The following CPLANE1 variants were observed in gnomAD, a reference collection of about 807,000 sequenced individuals.
CPLANE1 encodes ciliogenesis and planar polarity effector complex subunit 1.
In CPLANE1, 263 loss-of-function variants were observed where a neutral mutation model predicts 362.5. That is an observed-to-expected ratio of 0.73 (90% CI 0.66 to 0.80). The LOEUF (loss-of-function observed/expected upper bound fraction) is 0.80. CPLANE1 is among the 30% of genes least tolerant of loss of function. The pLI, the probability that CPLANE1 is intolerant of heterozygous loss-of-function variation, is 0.00. For synonymous variants in CPLANE1, 1,212 were observed against 1,302.6 expected, an observed-to-expected ratio of 0.93 and a Z score of 1.50; for missense variants, 3,461 against 3,793.4, an observed-to-expected ratio of 0.91 and a Z score of 2.30.
intron 29 of CPLANE1, among the ~76,000 whole-genome samples, chr5:37,178,872 C>T (rs1781944986): frequency 2.6e-5 from 4 of 152,110 alleles, no homozygotes; most frequent in Admixed American, 6.5e-5. Context: ...GATCCTCTCA[C>T]CTCAGCCTTC....
At position 37,142,319 on chromosome 5, in the gene CPLANE1, T is replaced by A. The variant is rs563494619; in HGVS notation, c.8623A>T (p.Thr2875Ser). The change falls in exon 44 of 53, where the codon ACT becomes TCT. Residue 2875 changes from threonine (T) to serine (S), a missense_variant. Thr to Ser is a moderately conservative substitution (Grantham distance 58, BLOSUM62 1). This residue lies in a region of CPLANE1 where 3,380 missense variants were observed against 3,666.1 expected (regional missense o/e 0.92). Coordinates refer to ENST00000651892, the MANE Select transcript of CPLANE1 (RefSeq NM_001384732.1). ...SLSSSSDQNT[T>S]SPGMNSSDEL... Reference sequence around the variant, plus strand: ...AAGTAAAGAACAATACCAGGAGAAGTAGTATTCTGATCACTGGAACTGGAA... The same window carrying A: ...AAGTAAAGAACAATACCAGGAGAAGAAGTATTCTGATCACTGGAACTGGAA... 2 of 1,587,050 alleles carry A rather than the reference T, an allele frequency of 1.3e-6. No individual in the cohort carries two copies. The highest frequency in any genetic ancestry group is 3.7e-5 in the Admixed American group (2 of 53,592).
rs761266412 is a variant in CPLANE1 at position 37,120,230 on chromosome 5, G to A, written c.9296C>T (p.Ser3099Leu). The A allele has an allele frequency of 6.2e-7, 1 of 1,602,450 alleles. No individual in the cohort carries two copies. The highest frequency in any genetic ancestry group is 1.1e-5 in the South Asian group (1 of 87,848). Residue 3099 changes from serine (S) to leucine (L), a missense_variant, in exon 50 of 53, where the codon TCA becomes TTA. Around this residue, in one of 2 missense-constraint regions of CPLANE1, gnomAD observed 3,380 missense variants for 3,666.1 expected, o/e 0.92. Transcript: ENST00000651892. ...TTAAGTCTTACCATGTGGCCAAGGT[G>A]AGCCTTGAGGTTGCCCAAAAGACTT... is the stretch of plus-strand genomic sequence containing the variant. ...KRKSFGQPQG[S>L]PWPHGTATFT...
Position 37,106,457 on chromosome 5 carries a change from A to G in CPLANE1, c.*1145T>C, listed in dbSNP as rs1757651831. ...TATCACATGCACCCCATAAAAATGT[A>G]CAACTATCATGTATCAATAAAATAC... On this transcript the variant is annotated 3_prime_UTR_variant, in exon 53 of 53. Transcript: ENST00000651892. 8.9e-6 allele frequency: 3 copies of G among 336,870 alleles called. No homozygotes were observed. The highest frequency in any genetic ancestry group is 2.2e-5 in the African/African-American group (1 of 45,142). 20.9% of individuals were successfully genotyped at this position (336,870 alleles called of 1,614,324 possible). A position where few individuals can be genotyped will look rare whatever the true frequency, so the allele number is the denominator to read the frequency against.
At chr5:37,154,096 T>A (rs2150627247) in intron 41 of CPLANE1, 103 bp from the exon 42 acceptor site, 1 of 968,994 alleles carries the variant, frequency 1.0e-6, no homozygotes, top group Non-Finnish European at 1.5e-6. Context: ...AACACAACAC[T>A]ACTTTCCAAA....
the CPLANE1 span, among the ~76,000 whole-genome samples, chr5:37,101,175 G>A: frequency 6.6e-6 from 1 of 152,206 alleles, no homozygotes; most frequent in South Asian, 2.1e-4. Context: ...AGGCATCCTT[G>A]TCTTGTGCCA....
At chr5:37,210,583 A>G (rs1792308553) in intron 16 of CPLANE1, 7 of 1,576,764 alleles carry the variant, frequency 4.4e-6, no homozygotes, top group Admixed American at 1.8e-5. Flanking sequence ...AAAGAACTTG[A>G]GCTTGAATTA....
intron 18 of CPLANE1, among the ~76,000 whole-genome samples, chr5:37,204,909 C>A (rs1219804806): frequency 6.6e-6 from 1 of 152,206 alleles, no homozygotes; most frequent in Non-Finnish European, 1.5e-5. Flanking sequence ...GTAATCCCAA[C>A]ACTTTGGGAG....
At chr5:37,186,756 T>C (rs1218525117) in intron 23 of CPLANE1, among the ~76,000 whole-genome samples, 2 of 152,098 alleles carry the variant, frequency 1.3e-5, no homozygotes, top group African/African-American at 4.8e-5. Context: ...AACAATACAC[T>C]ACGATTAACT....
the CPLANE1 span, among the ~76,000 whole-genome samples, chr5:37,087,868 T>G: frequency 6.6e-6 from 1 of 152,248 alleles, no homozygotes; most frequent in Non-Finnish European, 1.5e-5. Context: ...CACTTGCATA[T>G]GACCCCATGG....
chr5:37,084,534 C>A, the CPLANE1 span, among the ~76,000 whole-genome samples: 1 of 152,062 alleles, frequency 6.6e-6, no homozygotes, highest in Non-Finnish European at 1.5e-5. Context: ...AATCCCAGCA[C>A]TTTGGGAGGC....
At chr5:37,206,663 GA>G (rs753346211) in intron 16 of CPLANE1, among the ~76,000 whole-genome samples, 4 of 150,638 alleles carry the variant, frequency 2.7e-5, no homozygotes, top group South Asian at 4.2e-4. Context: ...AAACAAAAGA[GA>G]AAAAAAACAA....
At chr5:37,124,979 C>T (rs563057660) in intron 47 of CPLANE1, 1 of 1,200,878 alleles carries the variant, frequency 8.3e-7, no homozygotes, top group South Asian at 2.9e-5. Context: ...CACTCAACCT[C>T]CTCCTCTTGT....
At chr5:37,193,565 G>A (rs1238545753) in intron 21 of CPLANE1, among the ~76,000 whole-genome samples, 1 of 151,710 alleles carries the variant, frequency 6.6e-6, no homozygotes, top group Non-Finnish European at 1.5e-5. Context: ...TGAGGCAGGA[G>A]AATCACTTGA....
intron 46 of CPLANE1, among the ~76,000 whole-genome samples, chr5:37,134,793 A>AC (rs1767097335): frequency 7.2e-6 from 1 of 139,110 alleles, no homozygotes; most frequent in Non-Finnish European, 1.6e-5. Context: ...TAAACTTTCC[A>AC]CTTTTTTTTT....
chr5:37,131,671 C>T (rs1010183609), intron 46 of CPLANE1, among the ~76,000 whole-genome samples: 1 of 152,078 alleles, frequency 6.6e-6, no homozygotes. Context: ...GATGGGATTA[C>T]AGGTGCCCAC....
intron 4 of CPLANE1, 133 bp downstream of exon 4, chr5:37,245,346 T>TATATAC (rs1739281516): frequency 1.2e-5 from 1 of 85,456 alleles, no homozygotes; most frequent in African/African-American, 4.8e-5. Flanking sequence ...TATATATATA[T>TATATAC]ATATACACAC....
chr5:37,112,118 GCATCTAGA>G (rs2149929141), intron 51 of CPLANE1, among the ~76,000 whole-genome samples: 1 of 152,264 alleles, frequency 6.6e-6, no homozygotes, highest in African/African-American at 2.4e-5. Context: ...AATTAATTTG[GCATCTAGA>G]CATCGACATT....
intron 8 of CPLANE1, 52 bp downstream of exon 8, chr5:37,238,805 C>G (rs1262022871): frequency 4.5e-5 from 45 of 995,056 alleles, no homozygotes; most frequent in African/African-American, 6.7e-5. Flanking sequence ...GACAGAGACC[C>G]ATCTCTTTTA....
At chr5:37,189,544 GAC>G (rs1784913365) in intron 21 of CPLANE1, among the ~76,000 whole-genome samples, 1 of 152,184 alleles carries the variant, frequency 6.6e-6, no homozygotes, top group Admixed American at 6.5e-5. Flanking sequence ...GAACTAGCAA[GAC>G]ACAGTGCAGC....
Sources: gnomAD v4.1 joint callset for allele counts (sites outside exome capture counted in the v4.1 genomes callset) on GRCh38, gnomAD v4.1.1 for gene constraint, gnomAD v4.1.1 regional missense constraint, MANE v1.5 for transcripts, NCBI Gene and HGNC (gene_info 2026-07-23, HGNC 2026-07-21) for gene names.